Variants in HSPG2 observed in about 807,000 individuals in gnomAD.
The protein encoded by HSPG2 is basement membrane-specific heparan sulfate proteoglycan core protein.
In HSPG2, 278 loss-of-function variants were observed where a neutral mutation model predicts 526.6. That is an observed-to-expected ratio of 0.53 (90% CI 0.48 to 0.58). HSPG2 has a LOEUF of 0.58. Ranked by LOEUF, HSPG2 falls within the 20% of genes least tolerant of loss-of-function variation. The probability of loss-of-function intolerance (pLI) is 0.00; values close to 1 mark genes in which losing one functional copy is unlikely to be tolerated. For missense variants in HSPG2, 5,354 were observed against 6,099.5 expected (o/e 0.88, Z 4.07); for synonymous variants, 2,465 against 2,555.4 (o/e 0.96, Z 1.07).
chr1:21,827,739 G>A, intron 91 of HSPG2, 124 bp downstream of exon 91: 1 of 1,045,730 alleles, frequency 9.6e-7, no homozygotes, highest in Non-Finnish European at 1.4e-6. Flanking sequence ...TCTTCATTCT[G>A]TCTCTCTGCC....
chr1:21,912,438 C>T (rs1572435845), intron 1 of HSPG2, among the ~76,000 whole-genome samples: 1 of 152,234 alleles, frequency 6.6e-6, no homozygotes. Context: ...ACAAGAGAAA[C>T]CTGCCTGCAA....
At chr1:21,860,026 A>G in intron 40 of HSPG2, 24 bp from the exon 41 acceptor site, 2 of 1,608,490 alleles carry the variant, frequency 1.2e-6, no homozygotes, top group South Asian at 1.1e-5. Flanking sequence ...CCGGGACAGG[A>G]AGGGCCTTTC....
chr1:21,930,992 T>G (rs965914918), intron 1 of HSPG2, among the ~76,000 whole-genome samples: 1 of 152,134 alleles, frequency 6.6e-6, no homozygotes, highest in Admixed American at 6.5e-5. Context: ...GGTCAGGAGC[T>G]AGGAGCTGGT....
intron 1 of HSPG2, among the ~76,000 whole-genome samples, chr1:21,922,387 C>T (rs12080507): frequency 2.6e-5 from 4 of 152,180 alleles, no homozygotes; most frequent in African/African-American, 9.7e-5. Context: ...CACAGCAAGG[C>T]GGCTCTGGGC....
intron 1 of HSPG2, among the ~76,000 whole-genome samples, chr1:21,910,337 C>CA (rs928942868): frequency 4.7e-4 from 71 of 152,326 alleles, no homozygotes; most frequent in African/African-American, 1.6e-3. Flanking sequence ...CCTCCCCTGC[C>CA]AGGCCCTGAG....
rs12562769 is a variant in HSPG2, at chr1:21,915,501, A to T, written c.64-19191T>A. Among the ~76,000 whole-genome samples the T allele has an allele frequency of 4.3e-3, 651 of 152,248 alleles. 27 individuals carry two copies. The East Asian group carries it at 0.095, about 22-fold the overall frequency. ...TGTGGTCAGGCAAAGGGAGAGTGAG[A>T]GGCTGCCGAGAAGAAAGCAGGAAGA... On this transcript the variant is annotated intron_variant, in intron 1 of 96. Transcript: ENST00000374695.
intron 37 of HSPG2, among the ~76,000 whole-genome samples, 190 bp from the exon 38 acceptor site, chr1:21,862,305 T>C (rs1639851033): frequency 6.6e-6 from 1 of 152,156 alleles, no homozygotes; most frequent in Non-Finnish European, 1.5e-5. Context: ...CAAAATGGGC[T>C]GGGCACAGTG....
intron 33 of HSPG2, chr1:21,870,198 C>T (rs1640540295): frequency 3.1e-6 from 3 of 975,146 alleles, no homozygotes; most frequent in African/African-American, 1.8e-5. Flanking sequence ...CTGTCCTAGC[C>T]AGGTCCTCAG....
chr1:21,916,181 A>G (rs956192037), intron 1 of HSPG2, among the ~76,000 whole-genome samples: 2 of 152,116 alleles, frequency 1.3e-5, no homozygotes, highest in Non-Finnish European at 2.9e-5. Context: ...TCTGGCCAAC[A>G]TAGTGAAACT....
chr1:21,885,283 C>G (rs200388143), intron 10 of HSPG2, 37 bp downstream of exon 10: 1 of 1,613,510 alleles, frequency 6.2e-7, no homozygotes, highest in Non-Finnish European at 8.5e-7. Context: ...TAGAACCCAG[C>G]CCAGGGCCCG....
intron 6 of HSPG2, among the ~76,000 whole-genome samples, chr1:21,888,980 C>T (rs183654890): frequency 1.8e-3 from 272 of 152,276 alleles, no homozygotes; most frequent in African/African-American, 6.2e-3. Context: ...GGCTGGAGTG[C>T]AGTGGCATGA....
At chr1:21,888,601 C>T (rs868013430) in intron 6 of HSPG2, 15 of 1,218,762 alleles carry the variant, frequency 1.2e-5, no homozygotes, top group African/African-American at 1.5e-5. Context: ...CCCCTGCACC[C>T]GGCCTCCTCT....
At position 21,880,794 on chromosome 1, in the gene HSPG2, G is replaced by C; in HGVS notation, c.1860C>G (p.Tyr620Ter). Reference sequence around the variant, plus strand: ...GCTCCAGCATGCCACGGGCCAACTCGTAGCGCACGTTGTAACGCAGGGAGC... The same window carrying C: ...GCTCCAGCATGCCACGGGCCAACTCCTAGCGCACGTTGTAACGCAGGGAGC... ...YGGSLRYNVR[Y>*]ELARGMLEPV... is the part of the protein sequence containing the mutation. Residue 620 changes from tyrosine to a stop codon, truncating the protein, a stop_gained, in exon 15 of 97, where the codon TAC becomes TAG. Coordinates refer to ENST00000374695, the MANE Select transcript of HSPG2 (RefSeq NM_005529.7). LOFTEE classifies it high-confidence loss of function. The C allele has an allele frequency of 6.3e-7, 1 of 1,597,878 alleles. No homozygotes were observed. The highest frequency in any genetic ancestry group is 8.5e-7 in the Non-Finnish European group (1 of 1,173,204).
Position 21,872,779 on chromosome 1 carries a change from G to A in HSPG2, c.3889-19C>T. 2 of 1,606,040 alleles carry A rather than the reference G, an allele frequency of 1.2e-6. No individual in the cohort carries two copies. The highest frequency in any genetic ancestry group is 1.3e-5 in the African/African-American group (1 of 74,926). ...CCTGGGCCTGGGTAGACGGATGGAA[G>A]GAGGCAGGCAGGGGACTCAGTGGGT... On this transcript the variant is annotated intron_variant, in intron 31 of 96. Transcript: ENST00000374695. This position sits in a 1 kb window ranked among gnomAD's most constrained non-coding sequence, Gnocchi z 5.5.
chr1:21,908,179 G>C (rs1643480407), intron 1 of HSPG2: 4 of 835,244 alleles, frequency 4.8e-6, no homozygotes, highest in Non-Finnish European at 6.2e-6. Context: ...TGTTCCTTTG[G>C]CCACGTATAT....
intron 47 of HSPG2, 129 bp downstream of exon 47, chr1:21,855,175 C>T (rs1639235233): frequency 4.3e-6 from 6 of 1,399,682 alleles, no homozygotes; most frequent in Middle Eastern, 2.5e-4. Context: ...GGGCAGGAGA[C>T]CACCATCTTG....
At chr1:21,845,883 T>C (rs1029499525) in intron 64 of HSPG2, among the ~76,000 whole-genome samples, 3 of 152,146 alleles carry the variant, frequency 2.0e-5, no homozygotes, top group African/African-American at 4.8e-5. Context: ...CAGATGAGCA[T>C]AGTCCAAAGC....
intron 57 of HSPG2, among the ~76,000 whole-genome samples, chr1:21,849,740 C>T (rs1176251012): frequency 6.6e-6 from 1 of 151,976 alleles, no homozygotes; most frequent in Non-Finnish European, 1.5e-5. Context: ...AGTGCAACGG[C>T]ACGATCTCGG....
chr1:21,908,252 C>T (rs151235155), intron 1 of HSPG2: 21 of 1,012,786 alleles, frequency 2.1e-5, no homozygotes, highest in Middle Eastern at 4.1e-4. Flanking sequence ...CAAAAAGGAA[C>T]GCCCCACAAG....
Sources: gnomAD v4.1 joint callset for allele counts (sites outside exome capture counted in the v4.1 genomes callset) on GRCh38, gnomAD v4.1.1 for gene constraint, Gnocchi (gnomAD v3.1) non-coding constraint, MANE v1.5 for transcripts, NCBI Gene and HGNC (gene_info 2026-07-23, HGNC 2026-07-21) for gene names.